The following ITGBL1 variants were observed in gnomAD, a reference collection of about 807,000 sequenced individuals.
The protein encoded by ITGBL1 is integrin subunit beta like 1.
In ITGBL1, 51 loss-of-function variants were observed where a neutral mutation model predicts 68.5. The ratio of observed to expected loss-of-function variants is 0.74; its 90% CI spans 0.59 to 0.94. The LOEUF (loss-of-function observed/expected upper bound fraction) is 0.94, where lower values mean the gene tolerates loss of function less well. ITGBL1 is among the 40% of genes least tolerant of loss of function. The probability of loss-of-function intolerance (pLI) is 0.00; values close to 1 mark genes in which losing one functional copy is unlikely to be tolerated. For synonymous variants in ITGBL1, 209 were observed against 227.3 expected, an observed-to-expected ratio of 0.92 and a Z score of 0.72; for missense variants, 649 against 647.4, an observed-to-expected ratio of 1.00 and a Z score of -0.03.
rs2050665522 is a variant in ITGBL1 at position 101,592,124 on chromosome 13, A to T, written c.869-6029A>T. On this transcript the variant is annotated intron_variant, in intron 6 of 10. Coordinates refer to ENST00000376180, the MANE Select transcript of ITGBL1 (RefSeq NM_004791.3). ...GAACCCATTATTTTATTGATAATGT[A>T]GGTCGATTTTTGCTAAACCACACCG... is the stretch of plus-strand genomic sequence containing the variant. Among the ~76,000 whole-genome samples the T allele has an allele frequency of 1.3e-5, 2 of 152,166 alleles. 1 individual carries two copies. Among genetic ancestry groups the T allele is most frequent in the South Asian group, 4.1e-4 (2 of 4,826 alleles).
chr13:101,464,500 T>C (rs1479381037), intron 2 of ITGBL1, among the ~76,000 whole-genome samples: 1 of 151,902 alleles, frequency 6.6e-6, no homozygotes, highest in East Asian at 1.9e-4. Context: ...TATGTATACA[T>C]AGAAGACCCA....
rs9585752 is a variant in ITGBL1 at position 101,674,144 on chromosome 13, A to C, written c.1016-18441A>C. On this transcript the variant is annotated intron_variant, in intron 7 of 10. Transcript: ENST00000376180. ...ATAATAAGACTTTGACAAAACTACA[A>C]TCATATACAAAGCCATTGCAACCTA... Among the ~76,000 whole-genome samples, 177 of 152,340 alleles carry C rather than the reference A, an allele frequency of 1.2e-3. 1 individual carries two copies. The highest frequency in any genetic ancestry group is 4.0e-3 in the African/African-American group (167 of 41,584).
At chr13:101,575,647 A>G in intron 4 of ITGBL1, 101 bp downstream of exon 4, 1 of 1,153,822 alleles carries the variant, frequency 8.7e-7, no homozygotes, top group Non-Finnish European at 1.3e-6. Flanking sequence ...TAGGTGTGCT[A>G]ATGTAGTTTA....
chr13:101,481,085 C>CACACGT (rs71121196), intron 2 of ITGBL1, among the ~76,000 whole-genome samples: 3 of 149,006 alleles, frequency 2.0e-5, no homozygotes, highest in Non-Finnish European at 4.5e-5. Flanking sequence ...TATATACACA[C>CACACGT]ATATATATAC....
Position 101,499,334 on chromosome 13 carries a change from A to G in ITGBL1, c.316+45234A>G, listed in dbSNP as rs545389254. Among the ~76,000 whole-genome samples, 3 of 152,300 alleles carry G rather than the reference A, an allele frequency of 2.0e-5. No individual in the cohort carries two copies. The South Asian group carries it at 6.2e-4, about 32-fold the overall frequency. ...CTGCTTTGGCTTCTACTTTTCTTTA[A>G]TTCTGTCAACCCCTCCCTCATGTCT... On this transcript the variant is annotated intron_variant, in intron 2 of 10. Transcript: ENST00000376180.
intron 2 of ITGBL1, among the ~76,000 whole-genome samples, chr13:101,512,434 A>G (rs1471719445): frequency 7.9e-5 from 12 of 152,114 alleles, no homozygotes; most frequent in Non-Finnish European, 1.6e-4. Flanking sequence ...ATTTAGGTCT[A>G]TTTGCTTTGT....
In ITGBL1 at chr13:101,468,163, A is replaced by G. The variant is rs1000854173; in HGVS notation, c.316+14063A>G. ...CTCCAAAATACAAAAGACAAGTTAT[A>G]GACTATTTTCTTTTCTTTCCTGGGC... is the stretch of plus-strand genomic sequence containing the variant. On this transcript the variant is annotated intron_variant, in intron 2 of 10. Transcript: ENST00000376180. Among the ~76,000 whole-genome samples, 12 of 152,210 alleles carry G rather than the reference A, an allele frequency of 7.9e-5. No individual in the cohort carries two copies. The East Asian group carries it at 2.3e-3, about 29-fold the overall frequency.
At chr13:101,459,004 G>T (rs1174553780) in intron 2 of ITGBL1, among the ~76,000 whole-genome samples, 2 of 152,306 alleles carry the variant, frequency 1.3e-5, no homozygotes, top group East Asian at 3.9e-4. Flanking sequence ...GGATGAGTAA[G>T]ATGAATTAAA....
intron 6 of ITGBL1, among the ~76,000 whole-genome samples, chr13:101,592,122 G>A (rs1241567970): frequency 1.3e-5 from 2 of 152,132 alleles, no homozygotes; most frequent in East Asian, 1.9e-4. Context: ...TATTGATAAT[G>A]TAGGTCGATT....
At chr13:101,508,344 T>A (rs75638596) in intron 2 of ITGBL1, among the ~76,000 whole-genome samples, 1 of 152,194 alleles carries the variant, frequency 6.6e-6, no homozygotes, top group Non-Finnish European at 1.5e-5. Flanking sequence ...AAACACTGCA[T>A]GATGAGCATC....
At chr13:101,645,238 G>A (rs373954802) in intron 7 of ITGBL1, among the ~76,000 whole-genome samples, 34 of 152,204 alleles carry the variant, frequency 2.2e-4, no homozygotes, top group East Asian at 1.2e-3. Context: ...GATATCTGCA[G>A]GGACCCTAGA....
chr13:101,602,356 G>A (rs1477621880), intron 7 of ITGBL1, among the ~76,000 whole-genome samples: 3 of 151,998 alleles, frequency 2.0e-5, no homozygotes, highest in Non-Finnish European at 4.4e-5. Context: ...AATTCATCTA[G>A]AAGAACACGT....
intron 7 of ITGBL1, among the ~76,000 whole-genome samples, chr13:101,632,147 C>A (rs117714461): frequency 0.19 from 27,049 of 140,558 alleles, 2,288 homozygotes; most frequent in Admixed American, 0.26. Context: ...CTCTCTCTCT[C>A]TCTATATATA....
chr13:101,482,872 C>G (rs149373618), intron 2 of ITGBL1, among the ~76,000 whole-genome samples: 1 of 152,116 alleles, frequency 6.6e-6, no homozygotes, highest in Non-Finnish European at 1.5e-5. Flanking sequence ...CAGCAGCACA[C>G]GCATCAACGG....
At chr13:101,480,751 C>G (rs1483713842) in intron 2 of ITGBL1, among the ~76,000 whole-genome samples, 4 of 151,864 alleles carry the variant, frequency 2.6e-5, no homozygotes, top group Non-Finnish European at 5.9e-5. Flanking sequence ...TATAGTATAG[C>G]ATAATGCAGT....
At chr13:101,484,361 G>A (rs2048670943) in intron 2 of ITGBL1, among the ~76,000 whole-genome samples, 1 of 152,104 alleles carries the variant, frequency 6.6e-6, no homozygotes, top group Admixed American at 6.5e-5. Flanking sequence ...TATCCTATCA[G>A]TGATTATGTA....
chr13:101,575,456 A>C lies in ITGBL1; in HGVS notation c.496A>C (p.Asn166His), dbSNP rs772506828. 1 of 1,613,116 alleles carries C rather than the reference A, an allele frequency of 6.2e-7. No homozygotes were observed. The change falls in exon 4 of 11, where the codon AAT becomes CAT. Residue 166 changes from asparagine to histidine, a missense_variant. By Grantham distance (68) the Asn-to-His change is moderately conservative (BLOSUM62 1). Coordinates refer to ENST00000376180, the MANE Select transcript of ITGBL1 (RefSeq NM_004791.3). ...TCACTGTGGCAGGTGTAAGTGTGATAATTCAGATGGAAGTGGACTTGTGTA... is the reference window on the plus strand; with the variant it reads ...TCACTGTGGCAGGTGTAAGTGTGATCATTCAGATGGAAGTGGACTTGTGTA... ...TCHCGRCKCD[N>H]SDGSGLVYGK...
chr13:101,650,799 C>G (rs1469875685), intron 7 of ITGBL1, among the ~76,000 whole-genome samples: 1 of 151,982 alleles, frequency 6.6e-6, no homozygotes, highest in Admixed American at 6.6e-5. Context: ...CCCATGTCCC[C>G]CTTTTGACAG....
At chr13:101,657,697 AT>A (rs1423857386) in intron 7 of ITGBL1, among the ~76,000 whole-genome samples, 18 of 152,352 alleles carry the variant, frequency 1.2e-4, no homozygotes, top group African/African-American at 4.1e-4. Context: ...GGCCATCAGT[AT>A]TCATAAATCT....
Sources: allele counts gnomAD v4.1 joint callset (sites outside exome capture counted in the v4.1 genomes callset), GRCh38; gene constraint gnomAD v4.1.1; transcripts MANE v1.5; gene names NCBI Gene and HGNC (gene_info 2026-07-23, HGNC 2026-07-21).